The following PLPP4 variants were observed in gnomAD, a reference collection of about 807,000 sequenced individuals.
PLPP4 encodes diacylglycerol pyrophosphate like 2.
Under a neutral mutation model 32.2 loss-of-function variants are expected in PLPP4, and 20 were observed. The ratio of observed to expected loss-of-function variants is 0.62; its 90% CI spans 0.44 to 0.90. The LOEUF is 0.90. PLPP4 is among the 40% of genes least tolerant of loss of function. The pLI is 0.00. For synonymous variants in PLPP4, 127 were observed against 133.0 expected (o/e 0.95, Z 0.31); for missense variants, 257 against 353.1 (o/e 0.73, Z 2.18).
rs145228584 is a variant in PLPP4 at position 120,546,134 on chromosome 10, G to A, written c.445+25039G>A. ...ATTTTTGAGGTTTTGGGACTTGGAC[G>A]GCTTTCTTGCTCCTCAGCTTGCAGA... is the stretch of plus-strand genomic sequence containing the variant. On this transcript the variant is annotated intron_variant, in intron 5 of 6. Transcript: ENST00000398250. 5.9e-5 allele frequency among the ~76,000 whole-genome samples: 9 copies of A among 152,208 alleles called. No homozygotes were observed. In the East Asian group the frequency reaches 9.7e-4, roughly 16 times the overall value.
At chr10:120,521,671 G>T (rs1219510508) in intron 5 of PLPP4, among the ~76,000 whole-genome samples, 2 of 152,136 alleles carry the variant, frequency 1.3e-5, no homozygotes, top group Non-Finnish European at 2.9e-5. Context: ...AACAAACCCT[G>T]GCTCTGCCAG....
chr10:120,495,488 A>G (rs1844919025), intron 1 of PLPP4, among the ~76,000 whole-genome samples: 1 of 152,102 alleles, frequency 6.6e-6, no homozygotes, highest in African/African-American at 2.4e-5. Context: ...ACCACATCGG[A>G]TGCCTGTTTA....
At chr10:120,563,550 C>T (rs11199407) in intron 5 of PLPP4, among the ~76,000 whole-genome samples, 13,798 of 149,438 alleles carry the variant, frequency 0.092, 1,050 homozygotes, top group African/African-American at 0.18. Flanking sequence ...CCTGTAATCC[C>T]AGCACTTTGG....
chr10:120,542,473 T>C (rs1265388345), intron 5 of PLPP4, among the ~76,000 whole-genome samples: 2 of 152,178 alleles, frequency 1.3e-5, no homozygotes, highest in African/African-American at 4.8e-5. Context: ...CCTAAAAAGT[T>C]AGAGGCAACC....
Position 120,486,256 on chromosome 10 carries a change from ATTTAAGTT to A in PLPP4, c.57-17558_57-17551del, listed in dbSNP as rs1465439135. Among the ~76,000 whole-genome samples, 158 of 149,116 alleles carry A rather than the reference ATTTAAGTT, an allele frequency of 1.1e-3. 3 individuals are homozygous for A. The South Asian group carries it at 0.031, about 29-fold the overall frequency. ...CTGTGAGAGGCTTTCCTCCCATTTC[ATTTAAGTT>A]TTTTTTTTTTTCCTCCTCAAATGCT... On this transcript the variant is annotated intron_variant, in intron 1 of 6. Coordinates refer to ENST00000398250, the MANE Select transcript of PLPP4 (RefSeq NM_001030059.3).
intron 5 of PLPP4, among the ~76,000 whole-genome samples, chr10:120,526,973 C>G (rs1027815614): frequency 6.6e-6 from 1 of 152,060 alleles, no homozygotes; most frequent in African/African-American, 2.4e-5. Context: ...CACCTGCTTC[C>G]CATCTTCATA....
intron 1 of PLPP4, among the ~76,000 whole-genome samples, chr10:120,501,045 GT>G (rs1845226395): frequency 6.6e-6 from 1 of 152,130 alleles, no homozygotes; most frequent in Admixed American, 6.5e-5. Context: ...AATAGCAGGG[GT>G]TCCAGCTCCT....
At chr10:120,496,341 A>T (rs913019697) in intron 1 of PLPP4, among the ~76,000 whole-genome samples, 3 of 152,156 alleles carry the variant, frequency 2.0e-5, no homozygotes, top group Admixed American at 2.0e-4. Flanking sequence ...TGCTGGTGTG[A>T]TGTCAATATC....
At chr10:120,466,849 T>C (rs995840263) in intron 1 of PLPP4, among the ~76,000 whole-genome samples, 3 of 152,138 alleles carry the variant, frequency 2.0e-5, no homozygotes, top group South Asian at 4.1e-4. Context: ...TGTTAGGTGC[T>C]AAAGCCAGTC....
intron 6 of PLPP4, 146 bp from the exon 7 acceptor site, chr10:120,589,157 G>A: frequency 1.4e-6 from 1 of 697,722 alleles, no homozygotes; most frequent in Non-Finnish European, 2.5e-6. Context: ...GGCCACCACT[G>A]TGGTTTCTTT....
intron 6 of PLPP4, among the ~76,000 whole-genome samples, chr10:120,578,082 A>C (rs1222062096): frequency 6.6e-6 from 1 of 152,176 alleles, no homozygotes; most frequent in Non-Finnish European, 1.5e-5. Context: ...TGCAGCCCCA[A>C]ATGTCAATAC....
chr10:120,557,186 T>C (rs1848200814), intron 5 of PLPP4, among the ~76,000 whole-genome samples: 1 of 152,162 alleles, frequency 6.6e-6, no homozygotes, highest in Non-Finnish European at 1.5e-5. Flanking sequence ...AAAATAGGAA[T>C]GAAATCTGAC....
chr10:120,509,196 A>G (rs761638103), intron 2 of PLPP4, among the ~76,000 whole-genome samples: 14 of 152,224 alleles, frequency 9.2e-5, no homozygotes, highest in Non-Finnish European at 1.8e-4. Context: ...TTCCATAACT[A>G]TTAGTGAATT....
At chr10:120,515,292 T>C (rs1845891404) in intron 3 of PLPP4, among the ~76,000 whole-genome samples, 1 of 152,196 alleles carries the variant, frequency 6.6e-6, no homozygotes, top group Non-Finnish European at 1.5e-5. Context: ...TCTTGGCTCA[T>C]GACCACTGCA....
chr10:120,547,131 T>G (rs1213288523), intron 5 of PLPP4, among the ~76,000 whole-genome samples: 1 of 152,092 alleles, frequency 6.6e-6, no homozygotes, highest in Non-Finnish European at 1.5e-5. Context: ...ACATAGATAA[T>G]GGAAATGAAA....
intron 1 of PLPP4, among the ~76,000 whole-genome samples, chr10:120,476,475 C>T (rs1023578572): frequency 5.3e-5 from 8 of 152,200 alleles, no homozygotes; most frequent in Non-Finnish European, 8.8e-5. Flanking sequence ...TGCCCATAGT[C>T]ATTTGCCAAC....
At chr10:120,556,191 A>G (rs1364456117) in intron 5 of PLPP4, among the ~76,000 whole-genome samples, 1 of 152,224 alleles carries the variant, frequency 6.6e-6, no homozygotes, top group African/African-American at 2.4e-5. Context: ...GGCTTCTGGT[A>G]GCTTTCCTGC....
chr10:120,586,067 A>G (rs1198093644), intron 6 of PLPP4, among the ~76,000 whole-genome samples: 1 of 151,996 alleles, frequency 6.6e-6, no homozygotes, highest in East Asian at 1.9e-4. Flanking sequence ...TTTTGTTTCT[A>G]ACTGATATTT....
chr10:120,480,006 G>T (rs1369849570), intron 1 of PLPP4, among the ~76,000 whole-genome samples: 1 of 152,196 alleles, frequency 6.6e-6, no homozygotes, highest in East Asian at 1.9e-4. Flanking sequence ...ATCCGATAAG[G>T]CCTTGAAAGG....
Sources: allele counts gnomAD v4.1 joint callset (sites outside exome capture counted in the v4.1 genomes callset), GRCh38; gene constraint gnomAD v4.1.1; transcripts MANE v1.5; gene names NCBI Gene and HGNC (gene_info 2026-07-23, HGNC 2026-07-21).